Variants in POC1B observed in about 807,000 individuals in gnomAD.
POC1B encodes POC1 centriolar protein homolog B.
POC1B carries 44 observed loss-of-function variants against 60.6 expected under a neutral mutation model. That is an observed-to-expected ratio of 0.73 (90% CI 0.57 to 0.93). POC1B has a LOEUF of 0.93. Among genes scored for constraint, POC1B ranks in the 40% least tolerant of loss-of-function variants. The pLI, the probability that POC1B is intolerant of heterozygous loss-of-function variation, is 0.00. For synonymous variants in POC1B, 180 were observed against 198.9 expected, an observed-to-expected ratio of 0.90 and a Z score of 0.80; for missense variants, 555 against 572.3, an observed-to-expected ratio of 0.97 and a Z score of 0.31.
chr12:89,492,747 C>A (rs1030170008), intron 3 of POC1B, among the ~76,000 whole-genome samples: 1 of 152,182 alleles, frequency 6.6e-6, no homozygotes, highest in Non-Finnish European at 1.5e-5. Flanking sequence ...GCCTGGAAGT[C>A]ACACTCAACT....
At chr12:89,433,411 T>C (rs1881121903) in intron 10 of POC1B, among the ~76,000 whole-genome samples, 1 of 152,142 alleles carries the variant, frequency 6.6e-6, no homozygotes, top group Admixed American at 6.6e-5. Context: ...AATAAATTTA[T>C]GGTGAGACGA....
intron 2 of POC1B, among the ~76,000 whole-genome samples, chr12:89,503,977 G>T (rs1369559404): frequency 6.6e-6 from 1 of 150,840 alleles, no homozygotes; most frequent in African/African-American, 2.4e-5. Context: ...CGCCCCGTCC[G>T]GGAGGGAGGT....
At chr12:89,447,330 A>G (rs1275993927) in intron 10 of POC1B, among the ~76,000 whole-genome samples, 1 of 152,190 alleles carries the variant, frequency 6.6e-6, no homozygotes, top group Non-Finnish European at 1.5e-5. Context: ...TATATATATA[A>G]TTCACGGAAC....
intron 2 of POC1B, chr12:89,502,578 AG>A: frequency 8.3e-7 from 1 of 1,209,472 alleles, no homozygotes; most frequent in Non-Finnish European, 1.2e-6. Flanking sequence ...GATCCTTTGC[AG>A]CCAGCAATGG....
At chr12:89,470,038 A>AT (rs995157672) in intron 7 of POC1B, among the ~76,000 whole-genome samples, 2 of 152,000 alleles carry the variant, frequency 1.3e-5, no homozygotes, top group African/African-American at 4.8e-5. Flanking sequence ...CACCTGGCTA[A>AT]TTTTTTGTAT....
chr12:89,509,765 C>G (rs1307556526), intron 2 of POC1B, among the ~76,000 whole-genome samples: 1 of 152,196 alleles, frequency 6.6e-6, no homozygotes, highest in Admixed American at 6.5e-5. Flanking sequence ...TATCTTTGCT[C>G]AATCCTAAAA....
chr12:89,502,027 A>G lies in POC1B; in HGVS notation c.101-4685T>C, dbSNP rs1592632100. ...TTCTAGATCTACAGGAAGCTCAAAG[A>G]ATGAAGATAATATTATGACTGCACA... On this transcript the variant is annotated intron_variant, in intron 2 of 11. Transcript: ENST00000313546. The G allele has an allele frequency of 8.9e-5, 88 of 987,186 alleles. No homozygotes were observed. In the East Asian group the frequency reaches 2.1e-3, roughly 23 times the overall value. The allele number at this position is 987,186 out of a possible 1,614,324, so 61.2% of individuals were successfully genotyped here.
At chr12:89,508,390 C>A (rs778482921) in intron 2 of POC1B, among the ~76,000 whole-genome samples, 2 of 152,078 alleles carry the variant, frequency 1.3e-5, no homozygotes, top group African/African-American at 2.4e-5. Context: ...TTCTTGAAGA[C>A]TATAGGCTTG....
intron 3 of POC1B, among the ~76,000 whole-genome samples, chr12:89,494,094 A>G (rs1157223435): frequency 6.6e-6 from 1 of 152,192 alleles, no homozygotes; most frequent in Non-Finnish European, 1.5e-5. Flanking sequence ...ATGCTAGAAT[A>G]CAGTGGTGCA....
At chr12:89,495,454 G>C (rs551377489) in intron 3 of POC1B, among the ~76,000 whole-genome samples, 1 of 152,276 alleles carries the variant, frequency 6.6e-6, no homozygotes, top group Admixed American at 6.5e-5. Flanking sequence ...TCTCAGCATA[G>C]AGTTCCCCTT....
chr12:89,455,010 T>A (rs1882195344), intron 10 of POC1B, among the ~76,000 whole-genome samples: 1 of 150,174 alleles, frequency 6.7e-6, no homozygotes. Flanking sequence ...GGTTCATATG[T>A]GTTTGATTTC....
chr12:89,525,049 G>A lies in POC1B; in HGVS notation c.100+71C>T, dbSNP rs561821628. On this transcript the variant is annotated intron_variant, in intron 2 of 11. Transcript: ENST00000313546. The stretch of plus-strand genomic sequence containing the variant: ...AGCCGTTCTCCTAGGGACCCTGCCC[G>A]GACAGGAGGAAAGGTTTCCGGCCCA... 5.8e-5 allele frequency: 93 copies of A among 1,597,516 alleles called. No individual in the cohort carries two copies. In the Admixed American group the frequency reaches 6.5e-4, roughly 11 times the overall value.
chr12:89,490,366 A>T (rs1740783070), intron 4 of POC1B, among the ~76,000 whole-genome samples: 1 of 152,006 alleles, frequency 6.6e-6, no homozygotes, highest in South Asian at 2.1e-4. Flanking sequence ...TTTGAGATGG[A>T]GTCTCACTCT....
chr12:89,483,078 AT>A (rs927836326), intron 4 of POC1B, among the ~76,000 whole-genome samples: 9 of 151,164 alleles, frequency 6.0e-5, no homozygotes, highest in Admixed American at 2.6e-4. Context: ...CGCCCAGCTA[AT>A]TTTTTTTTGT....
At chr12:89,417,912 G>A (rs1159440924), downstream of POC1B, among the ~76,000 whole-genome samples, 1 of 152,158 alleles carries the variant, frequency 6.6e-6, no homozygotes, top group African/African-American at 2.4e-5. Flanking sequence ...GCTGCTTCAG[G>A]GGTGGAGGAA....
chr12:89,410,290 T>C, the POC1B span, among the ~76,000 whole-genome samples: 1 of 152,356 alleles, frequency 6.6e-6, no homozygotes, highest in Admixed American at 6.5e-5. Flanking sequence ...AAACTAGGTA[T>C]TGACGGAACG....
At chr12:89,437,374 T>A (rs1881312251) in intron 10 of POC1B, among the ~76,000 whole-genome samples, 1 of 152,200 alleles carries the variant, frequency 6.6e-6, no homozygotes, top group South Asian at 2.1e-4. Context: ...CCTCATCTTT[T>A]CTTGTTCCTC....
the POC1B span, among the ~76,000 whole-genome samples, chr12:89,406,629 C>T: frequency 6.6e-6 from 1 of 152,016 alleles, no homozygotes; most frequent in South Asian, 2.1e-4. Flanking sequence ...TCTTAGGTCT[C>T]CTATTCCCGG....
chr12:89,480,595 ATTTTTTTTTTT>A (rs765505677), intron 4 of POC1B, among the ~76,000 whole-genome samples: 124 of 69,888 alleles, frequency 1.8e-3, no homozygotes, highest in African/African-American at 7.4e-3. Flanking sequence ...TAATTTTTGT[ATTTTTTTTTTT>A]TTTTTTTTTT....
Sources: allele counts gnomAD v4.1 joint callset (sites outside exome capture counted in the v4.1 genomes callset), GRCh38; gene constraint gnomAD v4.1.1; transcripts MANE v1.5; gene names NCBI Gene and HGNC (gene_info 2026-07-23, HGNC 2026-07-21).